Variants in HIPK2 observed in about 807,000 individuals in gnomAD.
The protein encoded by HIPK2 is homeodomain-interacting protein kinase 2.
HIPK2 carries 27 observed loss-of-function variants against 113.7 expected under a neutral mutation model. That is an observed-to-expected ratio of 0.24 (90% CI 0.17 to 0.33). The LOEUF (loss-of-function observed/expected upper bound fraction) is 0.33, where lower values mean the gene tolerates loss of function less well. Ranked by LOEUF, HIPK2 falls within the 10% of genes least tolerant of loss-of-function variation. HIPK2 has a pLI of 1.00. For synonymous variants in HIPK2, 631 were observed against 642.2 expected, an observed-to-expected ratio of 0.98 and a Z score of 0.26; for missense variants, 1,257 against 1,588.0, an observed-to-expected ratio of 0.79 and a Z score of 3.54.
intron 2 of HIPK2, among the ~76,000 whole-genome samples, chr7:139,701,203 T>A (rs1240013540): frequency 6.6e-5 from 10 of 152,174 alleles, no homozygotes; most frequent in Non-Finnish European, 1.5e-4. Flanking sequence ...AGTGTCTAAG[T>A]CGGGTGGTGT....
At chr7:139,650,147 C>T (rs1240899397) in intron 2 of HIPK2, among the ~76,000 whole-genome samples, 2 of 152,030 alleles carry the variant, frequency 1.3e-5, no homozygotes, top group East Asian at 3.9e-4. Flanking sequence ...GTCAGGAGAT[C>T]AAGACCAGCC....
intron 13 of HIPK2, 168 bp downstream of exon 13, chr7:139,583,649 G>T: frequency 3.2e-6 from 3 of 952,020 alleles, no homozygotes; most frequent in African/African-American, 1.6e-5. Context: ...GTGCTGTTCA[G>T]CAGAAGCCTC....
chr7:139,723,601 T>C (rs1055868378), intron 1 of HIPK2, among the ~76,000 whole-genome samples: 5 of 152,248 alleles, frequency 3.3e-5, no homozygotes, highest in Non-Finnish European at 7.3e-5. Context: ...ATTTCACAAT[T>C]AGATGAACTG....
At chr7:139,670,112 A>G (rs1269089628) in intron 2 of HIPK2, among the ~76,000 whole-genome samples, 2 of 152,094 alleles carry the variant, frequency 1.3e-5, no homozygotes, top group African/African-American at 4.8e-5. Context: ...AAAACTAAAC[A>G]TTTTCAAGTC....
Position 139,688,532 on chromosome 7 carries a change from G to A in HIPK2, c.1103+27400C>T, listed in dbSNP as rs543262213. Among the ~76,000 whole-genome samples, 20 of 152,268 alleles carry A rather than the reference G, an allele frequency of 1.3e-4. No individual in the cohort carries two copies. In the South Asian group the frequency reaches 3.1e-3, roughly 24 times the overall value. On this transcript the variant is annotated intron_variant, in intron 2 of 14. Transcript: ENST00000406875. ...AAGGCAGGAGCTGATGGCTGCTGCCGGTTCTCTTCCAAGGGCTATGGTTGG... is the reference window on the plus strand; with the variant it reads ...AAGGCAGGAGCTGATGGCTGCTGCCAGTTCTCTTCCAAGGGCTATGGTTGG...
chr7:139,757,837 A>T (rs1796387397), intron 1 of HIPK2, among the ~76,000 whole-genome samples: 2 of 152,208 alleles, frequency 1.3e-5, no homozygotes, highest in South Asian at 4.1e-4. Flanking sequence ...TGAATGGGTA[A>T]ATTACATGAA....
At chr7:139,710,333 C>T (rs1795024810) in intron 2 of HIPK2, among the ~76,000 whole-genome samples, 2 of 152,166 alleles carry the variant, frequency 1.3e-5, no homozygotes, top group Admixed American at 1.3e-4. Context: ...TTCCAGTCTC[C>T]ATGACCCCTA....
chr7:139,660,034 G>A (rs1801812667), intron 2 of HIPK2, among the ~76,000 whole-genome samples: 2 of 152,186 alleles, frequency 1.3e-5, no homozygotes, highest in African/African-American at 4.8e-5. Flanking sequence ...CTTTGGGCGG[G>A]TTGTTTTGCC....
intron 2 of HIPK2, among the ~76,000 whole-genome samples, chr7:139,650,247 A>G (rs779153127): frequency 5.3e-5 from 8 of 151,306 alleles, no homozygotes; most frequent in Non-Finnish European, 1.2e-4. Context: ...CTACTTAGGA[A>G]GCTGAGGCAA....
intron 2 of HIPK2, among the ~76,000 whole-genome samples, chr7:139,705,669 T>A (rs1350081039): frequency 2.0e-5 from 3 of 152,074 alleles, no homozygotes; most frequent in Non-Finnish European, 2.9e-5. Context: ...GAGGAAGTTT[T>A]CTCTTTTAAG....
At chr7:139,627,135 GAA>G (rs1385471294) in intron 5 of HIPK2, among the ~76,000 whole-genome samples, 1 of 152,162 alleles carries the variant, frequency 6.6e-6, no homozygotes, top group Non-Finnish European at 1.5e-5. Context: ...ACCACAAGAT[GAA>G]AAGAGTTCTG....
chr7:139,642,167 G>A (rs1801049065), intron 2 of HIPK2, among the ~76,000 whole-genome samples: 1 of 152,168 alleles, frequency 6.6e-6, no homozygotes, highest in African/African-American at 2.4e-5. Context: ...GTATGGCTGG[G>A]GCAGAAGCAA....
At chr7:139,765,727 C>T (rs1459482417) in intron 1 of HIPK2, among the ~76,000 whole-genome samples, 1 of 152,172 alleles carries the variant, frequency 6.6e-6, no homozygotes, top group Non-Finnish European at 1.5e-5. Context: ...AATCAGCCTT[C>T]CTTTCCCCAT....
intron 2 of HIPK2, among the ~76,000 whole-genome samples, chr7:139,653,387 T>C (rs11761839): frequency 0.62 from 93,813 of 150,696 alleles, 29,443 homozygotes; most frequent in Non-Finnish European, 0.67. Flanking sequence ...AATGCAGTGC[T>C]GAGGACTATC....
chr7:139,579,722 GC>G (rs558968045), intron 13 of HIPK2, among the ~76,000 whole-genome samples: 3 of 152,130 alleles, frequency 2.0e-5, no homozygotes, highest in Non-Finnish European at 4.4e-5. Context: ...AAAACTCAGA[GC>G]CCCCTGCCCT....
At chr7:139,738,110 T>TA (rs1795990376) in intron 1 of HIPK2, among the ~76,000 whole-genome samples, 1 of 152,220 alleles carries the variant, frequency 6.6e-6, no homozygotes, top group Non-Finnish European at 1.5e-5. Context: ...GTTCCCTGAG[T>TA]ACAGACCAGC....
chr7:139,678,655 A>G (rs1802593093), intron 2 of HIPK2, among the ~76,000 whole-genome samples: 1 of 152,212 alleles, frequency 6.6e-6, no homozygotes, highest in Non-Finnish European at 1.5e-5. Context: ...TCTTGGCTAT[A>G]CAGGCTCTTT....
intron 11 of HIPK2, 57 bp from the exon 12 acceptor site, chr7:139,597,055 C>G: frequency 6.6e-7 from 1 of 1,524,240 alleles, no homozygotes; most frequent in East Asian, 2.3e-5. Flanking sequence ...ACAACTCCTT[C>G]GAAGGAGCCC....
intron 2 of HIPK2, among the ~76,000 whole-genome samples, chr7:139,708,042 C>T (rs1470804320): frequency 6.6e-6 from 1 of 152,126 alleles, no homozygotes; most frequent in Admixed American, 6.5e-5. Context: ...ATCTGACAAA[C>T]GGGCCCTGCA....
Sources: allele counts gnomAD v4.1 joint callset (sites outside exome capture counted in the v4.1 genomes callset), GRCh38; gene constraint gnomAD v4.1.1; transcripts MANE v1.5; gene names NCBI Gene and HGNC (gene_info 2026-07-23, HGNC 2026-07-21).